HEPACAM2: variants seen among roughly 807,000 people sequenced by gnomAD.
HEPACAM2 encodes the protein HEPACAM family member 2.
In HEPACAM2, 49 loss-of-function variants were observed where a neutral mutation model predicts 49.6. That is an observed-to-expected ratio of 0.99 (90% CI 0.78 to 1.25). The LOEUF (loss-of-function observed/expected upper bound fraction) is 1.25, where lower values mean the gene tolerates loss of function less well. HEPACAM2 is among the 50% of genes most tolerant of loss of function. The pLI, the probability that HEPACAM2 is intolerant of heterozygous loss-of-function variation, is 0.00. For missense variants in HEPACAM2, 525 were observed against 557.2 expected (o/e 0.94, Z 0.58); for synonymous variants, 197 against 202.9 (o/e 0.97, Z 0.25).
rs1233183000 is a variant in HEPACAM2, at chr7:93,206,655, TTCTC to T, written c.1012+1921_1012+1924del. On this transcript the variant is annotated intron_variant, in intron 4 of 9. Coordinates refer to ENST00000394468, the MANE Select transcript of HEPACAM2 (RefSeq NM_001039372.4). ...GATGAAATAAAATTAAAAATTCAGT[TTCTC>T]AGTTGTGTTAAGCACATTGTGTTAA... 4.6e-5 allele frequency among the ~76,000 whole-genome samples: 7 copies of T among 152,164 alleles called. No individual in the cohort carries two copies. In the East Asian group the frequency reaches 1.4e-3, roughly 29 times the overall value.
At chr7:93,231,849 A>C in the HEPACAM2 span, among the ~76,000 whole-genome samples, 2 of 152,146 alleles carry the variant, frequency 1.3e-5, no homozygotes, top group East Asian at 3.9e-4. Flanking sequence ...CTAAACCTGG[A>C]GGGCCGCCTA....
chr7:93,189,191 A>G lies in HEPACAM2; in HGVS notation c.*76T>C, dbSNP rs1167815442. On this transcript the variant is annotated 3_prime_UTR_variant, in exon 10 of 10. Coordinates refer to ENST00000394468, the MANE Select transcript of HEPACAM2 (RefSeq NM_001039372.4). ...TGGTTTCTTCACTGATTCCAGATTA[A>G]TATACTTTTCCACTGTTTTTCCTTA... 1 of 1,274,470 alleles carries G rather than the reference A, an allele frequency of 7.8e-7. No homozygotes were observed. The highest frequency in any genetic ancestry group is 2.3e-5 in the East Asian group (1 of 42,960). 78.9% of individuals were successfully genotyped at this position (1,274,470 alleles called of 1,614,324 possible).
At chr7:93,227,886 G>A (rs1353122912), upstream of HEPACAM2, among the ~76,000 whole-genome samples, 1 of 152,082 alleles carries the variant, frequency 6.6e-6, no homozygotes, top group Non-Finnish European at 1.5e-5. Flanking sequence ...TGCTTAACTG[G>A]TATTTTTGTT....
chr7:93,228,875 G>T (rs1794583195), upstream of HEPACAM2, among the ~76,000 whole-genome samples: 1 of 151,688 alleles, frequency 6.6e-6, no homozygotes, highest in Non-Finnish European at 1.5e-5. Context: ...GTGTGTGTGT[G>T]TGTGTGTGTG....
intron 2 of HEPACAM2, among the ~76,000 whole-genome samples, chr7:93,217,269 G>C (rs1429080503): frequency 1.3e-5 from 2 of 152,164 alleles, no homozygotes; most frequent in South Asian, 2.1e-4. Context: ...TTTTGTATGA[G>C]AAGAACCAAT....
chr7:93,203,517 C>G (rs1054773143), intron 4 of HEPACAM2, among the ~76,000 whole-genome samples: 1 of 152,112 alleles, frequency 6.6e-6, no homozygotes. Context: ...GAGCTTCCTT[C>G]TTTCTCCTTT....
chr7:93,203,741 A>T (rs550360026), intron 4 of HEPACAM2, among the ~76,000 whole-genome samples: 2 of 152,294 alleles, frequency 1.3e-5, no homozygotes, highest in Admixed American at 1.3e-4. Context: ...ACTCAGTGGC[A>T]GGACAGCCAT....
At chr7:93,209,719 A>ATAAT (rs1794130597) in intron 3 of HEPACAM2, among the ~76,000 whole-genome samples, 1 of 151,946 alleles carries the variant, frequency 6.6e-6, no homozygotes, top group African/African-American at 2.4e-5. Flanking sequence ...AAATATTTTT[A>ATAAT]CAAGAGATTA....
chr7:93,197,309 G>T, intron 6 of HEPACAM2, 31 bp from the exon 7 acceptor site: 1 of 1,608,474 alleles, frequency 6.2e-7, no homozygotes, highest in Non-Finnish European at 8.5e-7. Context: ...TTTTTGTCAG[G>T]GATAATAATT....
chr7:93,212,653 C>T (rs1794205047), intron 3 of HEPACAM2, among the ~76,000 whole-genome samples: 1 of 151,964 alleles, frequency 6.6e-6, no homozygotes, highest in African/African-American at 2.4e-5. Flanking sequence ...CTTTTTCTCT[C>T]TCTCTTTATC....
intron 4 of HEPACAM2, among the ~76,000 whole-genome samples, chr7:93,203,691 G>A (rs929590727): frequency 2.6e-5 from 4 of 152,160 alleles, no homozygotes; most frequent in Non-Finnish European, 5.9e-5. Flanking sequence ...GTCAAGAGGT[G>A]TGGTATCCAT....
chr7:93,195,109 G>T (rs118036388), intron 8 of HEPACAM2, among the ~76,000 whole-genome samples: 1,575 of 152,102 alleles, frequency 0.01, 12 homozygotes, highest in Non-Finnish European at 0.017. Flanking sequence ...GTTGTCAAAA[G>T]ATATGAGGGG....
At chr7:93,227,800 A>T (rs1794565240), upstream of HEPACAM2, among the ~76,000 whole-genome samples, 4 of 152,060 alleles carry the variant, frequency 2.6e-5, no homozygotes. Flanking sequence ...ATTTTATTGG[A>T]TGTTTATTTT....
At chr7:93,217,489 T>C (rs893549762) in intron 2 of HEPACAM2, among the ~76,000 whole-genome samples, 1 of 152,184 alleles carries the variant, frequency 6.6e-6, no homozygotes. Context: ...CAGGACACCA[T>C]ATAGGAAATC....
intron 4 of HEPACAM2, among the ~76,000 whole-genome samples, chr7:93,202,280 T>G (rs1383313471): frequency 1.3e-5 from 2 of 151,216 alleles, no homozygotes; most frequent in African/African-American, 4.8e-5. Flanking sequence ...TATATATACA[T>G]AAAATCAAAT....
At chr7:93,196,295 CTAACAGATG>C (rs1321488775) in intron 7 of HEPACAM2, among the ~76,000 whole-genome samples, 3 of 152,124 alleles carry the variant, frequency 2.0e-5, no homozygotes, top group African/African-American at 7.2e-5. Flanking sequence ...TCTAACAGAT[CTAACAGATG>C]TAACAGATCA....
intron 1 of HEPACAM2, among the ~76,000 whole-genome samples, chr7:93,224,483 C>T (rs991261962): frequency 6.6e-6 from 1 of 152,082 alleles, no homozygotes; most frequent in Non-Finnish European, 1.5e-5. Context: ...TTACACAAAT[C>T]TGGAGAAACA....
chr7:93,200,370 CA>C (rs1439382261), intron 4 of HEPACAM2, among the ~76,000 whole-genome samples: 1 of 151,932 alleles, frequency 6.6e-6, no homozygotes, highest in Non-Finnish European at 1.5e-5. Flanking sequence ...TGTGACTGAG[CA>C]AAACAACAAA....
rs1356197496 is a variant in HEPACAM2 at position 93,197,426 on chromosome 7, A to C, written c.1139-29T>G. 5 of 1,588,500 alleles carry C rather than the reference A, an allele frequency of 3.1e-6. No homozygotes were observed. In the East Asian group the frequency reaches 1.1e-4, roughly 36 times the overall value. ...AAATCAAGAGAGAAGAAAAATGGTA[A>C]GGTTTTTTTTAGTACACATATATAC... is the stretch of plus-strand genomic sequence containing the variant. On this transcript the variant is annotated intron_variant, in intron 5 of 9. Transcript: ENST00000394468.
Sources: gnomAD v4.1 joint callset for allele counts (sites outside exome capture counted in the v4.1 genomes callset) on GRCh38, gnomAD v4.1.1 for gene constraint, MANE v1.5 for transcripts, NCBI Gene and HGNC (gene_info 2026-07-23, HGNC 2026-07-21) for gene names.